The following AP2B1 variants were observed in gnomAD, a reference collection of about 807,000 sequenced individuals.
AP2B1 encodes the protein AP-2 complex subunit beta.
In AP2B1, 23 loss-of-function variants were observed where a neutral mutation model predicts 102.0. The observed-to-expected ratio is 0.23, with a 90% CI of 0.16 to 0.32. The LOEUF (loss-of-function observed/expected upper bound fraction) is 0.32, where lower values mean the gene tolerates loss of function less well. Ranked by LOEUF, AP2B1 falls within the 10% of genes least tolerant of loss-of-function variation. The pLI, the probability that AP2B1 is intolerant of heterozygous loss-of-function variation, is 1.00. For missense variants in AP2B1, 541 were observed against 1,157.4 expected, an observed-to-expected ratio of 0.47 and a Z score of 7.73; for synonymous variants, 381 against 421.2, an observed-to-expected ratio of 0.90 and a Z score of 1.17.
intron 21 of AP2B1, among the ~76,000 whole-genome samples, chr17:35,722,370 G>T (rs1033528593): frequency 1.3e-5 from 2 of 151,866 alleles, no homozygotes; most frequent in Admixed American, 1.3e-4. Context: ...AGTTGTTTTG[G>T]TTTTTTTTAC....
intron 16 of AP2B1, among the ~76,000 whole-genome samples, chr17:35,672,701 G>A (rs1371172721): frequency 6.6e-6 from 1 of 152,186 alleles, no homozygotes; most frequent in African/African-American, 2.4e-5. Flanking sequence ...GCACAACTCG[G>A]TAGCTTTGTT....
chr17:35,700,194 C>T (rs1037293425), intron 18 of AP2B1, among the ~76,000 whole-genome samples: 4 of 151,720 alleles, frequency 2.6e-5, no homozygotes, highest in Admixed American at 2.6e-4. Flanking sequence ...ACTCCAGCAC[C>T]TAGCAGAAAC....
At chr17:35,668,610 A>C (rs187318915) in intron 14 of AP2B1, among the ~76,000 whole-genome samples, 56 of 152,336 alleles carry the variant, frequency 3.7e-4, no homozygotes, top group African/African-American at 1.2e-3. Flanking sequence ...GGGAAATTAA[A>C]AAATTAAAAG....
At chr17:35,655,734 G>T (rs1193852517) in intron 13 of AP2B1, among the ~76,000 whole-genome samples, 1 of 152,144 alleles carries the variant, frequency 6.6e-6, no homozygotes, top group Non-Finnish European at 1.5e-5. Flanking sequence ...CAAAGCAGTT[G>T]TACCAGTGTA....
At position 35,650,649 on chromosome 17, in the gene AP2B1, G is replaced by A. The variant is rs142431080; in HGVS notation, c.1656G>A (p.Thr552=). 88 of 1,614,110 alleles carry A rather than the reference G, an allele frequency of 5.5e-5. 1 individual carries two copies. Among genetic ancestry groups the A allele is most frequent in the East Asian group, 6.7e-5 (3 of 44,882 alleles). Residue 552 remains threonine (T), a synonymous_variant, in exon 13 of 22, where the codon ACG becomes ACA. Transcript: ENST00000610402. ...LSEKPLISEE[T]DLIEPTLLDE... ...AGAAGCCACTGATCTCTGAGGAGACGGACCTTATTGAGCCAACTCTGCTGG... is the reference window on the plus strand; with the variant it reads ...AGAAGCCACTGATCTCTGAGGAGACAGACCTTATTGAGCCAACTCTGCTGG...
chr17:35,600,330 G>T (rs542826524), intron 3 of AP2B1, among the ~76,000 whole-genome samples: 1 of 151,978 alleles, frequency 6.6e-6, no homozygotes, highest in Non-Finnish European at 1.5e-5. Context: ...TGATCTACCT[G>T]CCTTGGCCTC....
At chr17:35,640,489 C>T (rs1234308408) in intron 11 of AP2B1, among the ~76,000 whole-genome samples, 2 of 152,098 alleles carry the variant, frequency 1.3e-5, no homozygotes, top group East Asian at 3.9e-4. Flanking sequence ...CCACTTACCT[C>T]GGCTTCCCAA....
intron 12 of AP2B1, among the ~76,000 whole-genome samples, chr17:35,642,705 AT>A (rs2074817095): frequency 1.3e-5 from 2 of 152,310 alleles, no homozygotes; most frequent in South Asian, 4.1e-4. Context: ...TGATTCAGAT[AT>A]CCAGTTTACC....
intron 13 of AP2B1, 133 bp from the exon 14 acceptor site, chr17:35,657,466 A>G (rs367706844): frequency 1.7e-6 from 1 of 598,912 alleles, no homozygotes; most frequent in South Asian, 3.2e-5. Context: ...ACAAATGGTT[A>G]TAAAATCAGA....
At chr17:35,625,084 C>G (rs12604067) in intron 6 of AP2B1, among the ~76,000 whole-genome samples, 33,974 of 152,138 alleles carry the variant, frequency 0.22, 4,018 homozygotes, top group East Asian at 0.34. Flanking sequence ...CTAGATTGTT[C>G]TGCTCAGCCT....
chr17:35,722,420 GTT>G lies in AP2B1; in HGVS notation c.2782-1202_2782-1201del, dbSNP rs1419168876. Among the ~76,000 whole-genome samples, 3 of 152,298 alleles carry G rather than the reference GTT, an allele frequency of 2.0e-5. No homozygotes were observed. The South Asian group carries it at 6.2e-4, about 32-fold the overall frequency. On this transcript the variant is annotated intron_variant, in intron 21 of 21. Transcript: ENST00000610402. ...TCTTCCTGACTAATACCAAGCAGCA[GTT>G]TTGGGAATGCCTTGGGGACTGAATA...
chr17:35,614,413 C>G (rs1025503681), intron 5 of AP2B1, among the ~76,000 whole-genome samples: 1 of 152,040 alleles, frequency 6.6e-6, no homozygotes, highest in African/African-American at 2.4e-5. Flanking sequence ...TGGTCTCAAT[C>G]TCCTAGCTTA....
chr17:35,686,684 G>C (rs1049410738), intron 18 of AP2B1, among the ~76,000 whole-genome samples: 1 of 152,216 alleles, frequency 6.6e-6, no homozygotes, highest in African/African-American at 2.4e-5. Context: ...AGAAAAACTG[G>C]CCGGGCATGG....
chr17:35,677,215 C>T (rs1341598029), intron 17 of AP2B1, among the ~76,000 whole-genome samples: 1 of 152,138 alleles, frequency 6.6e-6, no homozygotes, highest in Non-Finnish European at 1.5e-5. Flanking sequence ...GTCTCAATGT[C>T]CTGGGCTCAA....
chr17:35,620,929 CAGG>C (rs1417076709), intron 5 of AP2B1, among the ~76,000 whole-genome samples: 5 of 152,128 alleles, frequency 3.3e-5, no homozygotes, highest in African/African-American at 1.2e-4. Flanking sequence ...AATTTTTTGA[CAGG>C]AGAAGTGTTA....
intron 9 of AP2B1, among the ~76,000 whole-genome samples, chr17:35,628,271 A>T (rs766806273): frequency 4.6e-5 from 7 of 152,196 alleles, no homozygotes; most frequent in Non-Finnish European, 1.0e-4. Flanking sequence ...CCAATCTCCC[A>T]TGGATTTGGA....
intron 4 of AP2B1, among the ~76,000 whole-genome samples, chr17:35,606,241 A>G (rs969720949): frequency 1.3e-5 from 2 of 150,124 alleles, no homozygotes; most frequent in East Asian, 2.0e-4. Context: ...TCATTTGATT[A>G]ATTTTTTTTT....
chr17:35,648,235 G>A (rs1598166802), intron 12 of AP2B1, among the ~76,000 whole-genome samples: 2 of 152,236 alleles, frequency 1.3e-5, no homozygotes, highest in Admixed American at 1.3e-4. Flanking sequence ...AAAACAATAG[G>A]CCAGACACGG....
chr17:35,626,718 A>G lies in AP2B1; in HGVS notation c.814A>G (p.Lys272Glu), dbSNP rs2074325566. ...VLMKFLELLP[K>E]DSDYYNMLLK... ...AATGAAGTTTCTAGAATTGTTACCTAAGGATTCTGACTACTACAATATGCT... is the reference window on the plus strand; with the variant it reads ...AATGAAGTTTCTAGAATTGTTACCTGAGGATTCTGACTACTACAATATGCT... The change falls in exon 7 of 22, where the codon AAG (lysine) becomes GAG (glutamate). Residue 272 changes from lysine to glutamate, a missense_variant. Physicochemically the swap from Lys to Glu is moderately conservative, Grantham distance 56. Coordinates refer to ENST00000610402, the MANE Select transcript of AP2B1 (RefSeq NM_001030006.2). 5 of 1,613,842 alleles carry G rather than the reference A, an allele frequency of 3.1e-6. No homozygotes were observed. Among genetic ancestry groups the G allele is most frequent in the South Asian group, 1.1e-5 (1 of 91,054 alleles).
Sources: gnomAD v4.1 joint callset for allele counts (sites outside exome capture counted in the v4.1 genomes callset) on GRCh38, gnomAD v4.1.1 for gene constraint, MANE v1.5 for transcripts, NCBI Gene and HGNC (gene_info 2026-07-23, HGNC 2026-07-21) for gene names.